Variants in RBBP6 observed in about 807,000 individuals in gnomAD.
RBBP6 encodes E3 ubiquitin-protein ligase RBBP6.
RBBP6 carries 25 observed loss-of-function variants against 167.7 expected under a neutral mutation model. That is an observed-to-expected ratio of 0.15 (90% CI 0.11 to 0.21). RBBP6 has a LOEUF of 0.21. Ranked by LOEUF, RBBP6 falls within the 10% of genes least tolerant of loss-of-function variation. The pLI is 1.00. For missense variants in RBBP6, 1,868 were observed against 2,134.2 expected (o/e 0.88, Z 2.46); for synonymous variants, 789 against 735.8 (o/e 1.07, Z -1.17).
rs779306153 is a variant in RBBP6 at position 24,569,482 on chromosome 16, A to G, written c.2792A>G (p.Asn931Ser). The G allele has an allele frequency of 1.9e-6, 3 of 1,610,654 alleles. No individual in the cohort carries two copies. Among genetic ancestry groups the G allele is most frequent in the Non-Finnish European group, 2.5e-6 (3 of 1,179,230 alleles). Reference sequence around the variant, plus strand: ...AACGCTCCAGGAGATGGTAAAGGAAATAAGCATAAGAAACACAGAAAAAGA... The same window carrying G: ...AACGCTCCAGGAGATGGTAAAGGAAGTAAGCATAAGAAACACAGAAAAAGA... ...SENAPGDGKG[N>S]KHKKHRKRRK... The change falls in exon 17 of 18, where the codon AAT (asparagine) becomes AGT (serine). Residue 931 changes from asparagine to serine, a missense_variant. By Grantham distance (46) the Asn-to-Ser change is conservative (BLOSUM62 1). Coordinates refer to ENST00000319715, the MANE Select transcript of RBBP6 (RefSeq NM_006910.5).
intron 1 of RBBP6, among the ~76,000 whole-genome samples, chr16:24,542,203 T>G (rs955125245): frequency 5.9e-5 from 9 of 152,144 alleles, no homozygotes; most frequent in Non-Finnish European, 1.2e-4. Context: ...ATAGCTTTAT[T>G]TAAGTGCCTC....
At chr16:24,546,431 C>T (rs1253192527) in intron 2 of RBBP6, among the ~76,000 whole-genome samples, 169 bp downstream of exon 2, 2 of 152,060 alleles carry the variant, frequency 1.3e-5, no homozygotes, top group Non-Finnish European at 2.9e-5. Flanking sequence ...TTTTGATTTC[C>T]TCCCCCAGTT....
At chr16:24,564,248 C>T (rs1449994364) in intron 13 of RBBP6, among the ~76,000 whole-genome samples, 3 of 151,780 alleles carry the variant, frequency 2.0e-5, no homozygotes, top group Non-Finnish European at 2.9e-5. Flanking sequence ...TTATATAATC[C>T]GATTGAAAAT....
rs1898455168 is a variant in RBBP6, at chr16:24,540,410, C to T, written c.-217C>T. ...CCCTCTTCCCCGTCCTCGTCCTCCTCCTCCCCCATGAAGTGATTCTGAGTA... is the reference window on the plus strand; with the variant it reads ...CCCTCTTCCCCGTCCTCGTCCTCCTTCTCCCCCATGAAGTGATTCTGAGTA... On this transcript the variant is annotated 5_prime_UTR_variant, in exon 1 of 18. Transcript: ENST00000319715. The T allele has an allele frequency of 2.3e-6, 1 of 437,980 alleles. No homozygotes were observed. The allele number at this position is 437,980 out of a possible 1,614,324, so 27.1% of individuals were successfully genotyped here. A position where few individuals can be genotyped will look rare whatever the true frequency, so the allele number is the denominator to read the frequency against.
chr16:24,568,202 C>G (rs993338224), intron 16 of RBBP6, among the ~76,000 whole-genome samples: 4 of 152,122 alleles, frequency 2.6e-5, no homozygotes, highest in Non-Finnish European at 5.9e-5. Flanking sequence ...AAAACAGTTC[C>G]CAGGACCCTT....
At chr16:24,552,100 T>C (rs1163255837) in intron 3 of RBBP6, among the ~76,000 whole-genome samples, 1 of 151,876 alleles carries the variant, frequency 6.6e-6, no homozygotes, top group Admixed American at 6.6e-5. Flanking sequence ...TGAACTCTTT[T>C]ATAGTCAGTT....
chr16:24,562,392 AGCC>A, intron 10 of RBBP6, among the ~76,000 whole-genome samples: 1 of 152,230 alleles, frequency 6.6e-6, no homozygotes, highest in African/African-American at 2.4e-5. Context: ...GTTGCCAACC[AGCC>A]CCTATTAAAC....
chr16:24,569,193 A>G lies in RBBP6; in HGVS notation c.2503A>G (p.Arg835Gly). The G allele has an allele frequency of 6.2e-7, 1 of 1,613,848 alleles. No homozygotes were observed. The highest frequency in any genetic ancestry group is 1.1e-5 in the South Asian group (1 of 91,074). The change falls in exon 17 of 18, where the codon AGA (arginine) becomes GGA (glycine). Residue 835 changes from arginine to glycine, a missense_variant. By Grantham distance (125) the Arg-to-Gly change is moderately radical. Around this residue, in one of 7 missense-constraint regions of RBBP6, gnomAD observed 673 missense variants for 691.5 expected, o/e 0.97. Transcript: ENST00000319715. ...CTACCGAGAATGGGAGAGAAAATATAGAGAGTGGTATGAAAAATATTATAA... is the reference window on the plus strand; with the variant it reads ...CTACCGAGAATGGGAGAGAAAATATGGAGAGTGGTATGAAAAATATTATAA... ...ERYREWERKY[R>G]EWYEKYYKGY...
At chr16:24,568,667 A>C (rs1899250287) in intron 16 of RBBP6, 78 bp from the exon 17 acceptor site, 1 of 1,489,848 alleles carries the variant, frequency 6.7e-7, no homozygotes, top group South Asian at 1.4e-5. Context: ...GTGAGGAAAG[A>C]ATGCTAGAAT....
At chr16:24,563,539 T>TA (rs1899121414) in intron 12 of RBBP6, 38 bp downstream of exon 12, 1 of 1,611,658 alleles carries the variant, frequency 6.2e-7, no homozygotes, top group African/African-American at 1.3e-5. Context: ...TTTTTCCCTT[T>TA]AAAAAATAAT....
intron 2 of RBBP6, 45 bp from the exon 3 acceptor site, chr16:24,548,900 T>C: frequency 6.7e-7 from 1 of 1,495,832 alleles, no homozygotes; most frequent in Non-Finnish European, 9.2e-7. Flanking sequence ...GCACAAAAAT[T>C]CATAAATAGC....
intron 1 of RBBP6, among the ~76,000 whole-genome samples, chr16:24,542,626 T>A (rs1174227855): frequency 6.6e-6 from 1 of 151,342 alleles, no homozygotes. Context: ...ACCCAGCTAA[T>A]TTTTTTTTGT....
In RBBP6 at chr16:24,571,889, A is replaced by G; in HGVS notation, c.4823A>G (p.Asp1608Gly). 6.2e-7 allele frequency: 1 copy of G among 1,614,176 alleles called. No homozygotes were observed. Among genetic ancestry groups the G allele is most frequent in the Non-Finnish European group, 8.5e-7 (1 of 1,180,018 alleles). ...AAAGAGCAAATTACTGGGCAAATTG[A>G]CAAGAGTACTGTCAAGCCTAAACCC... is the stretch of plus-strand genomic sequence containing the variant. Reference protein sequence around the residue: ...VEKEQITGQIDKSTVKPKPQL... With the variant: ...VEKEQITGQIGKSTVKPKPQL... The change falls in exon 18 of 18, where the codon GAC (aspartate) becomes GGC (glycine). Residue 1608 changes from aspartate (D) to glycine (G), a missense_variant. Physicochemically the swap from Asp to Gly is moderately conservative, Grantham distance 94 (BLOSUM62 -1). Transcript: ENST00000319715.
chr16:24,570,419 A>G lies in RBBP6; in HGVS notation c.3729A>G (p.Lys1243=). ...TGGAGTCAACATCTAGCAAAGTTAA[A>G]CAAGAAAAAGTCAAAGGAAAGGTCA... ...EKLESTSSKV[K]QEKVKGKVRR... The change falls in exon 17 of 18, where the codon AAA becomes AAG. Residue 1243 remains lysine, a synonymous_variant. Transcript: ENST00000319715. The G allele has an allele frequency of 6.2e-7, 1 of 1,610,284 alleles. No individual in the cohort carries two copies. Among genetic ancestry groups the G allele is most frequent in the Non-Finnish European group, 8.5e-7 (1 of 1,179,230 alleles).
At chr16:24,561,757 T>C in intron 9 of RBBP6, 42 bp downstream of exon 9, 3 of 1,607,544 alleles carry the variant, frequency 1.9e-6, no homozygotes, top group Non-Finnish European at 2.6e-6. Flanking sequence ...TCTTTTTAAC[T>C]GATTTAACTG....
Position 24,547,771 on chromosome 16 carries a change from T to C in RBBP6, c.267-1174T>C, listed in dbSNP as rs1042390423. Among the ~76,000 whole-genome samples, 14 of 152,330 alleles carry C rather than the reference T, an allele frequency of 9.2e-5. No homozygotes were observed. The South Asian group carries it at 2.9e-3, about 32-fold the overall frequency. On this transcript the variant is annotated intron_variant, in intron 2 of 17. Coordinates refer to ENST00000319715, the MANE Select transcript of RBBP6 (RefSeq NM_006910.5). ...GCACCCAGCCTAAGAATTATAAATT[T>C]ATGGGGAGAATTAATTCCTACAATC...
chr16:24,561,536 C>A, intron 8 of RBBP6, 76 bp from the exon 9 acceptor site: 1 of 1,224,928 alleles, frequency 8.2e-7, no homozygotes, highest in Non-Finnish European at 1.2e-6. Context: ...CAAATGTGGA[C>A]CATCCTTTTA....
chr16:24,567,043 G>C (rs1476462419), intron 14 of RBBP6, 100 bp from the exon 15 acceptor site: 1 of 1,292,892 alleles, frequency 7.7e-7, no homozygotes, highest in Non-Finnish European at 1.1e-6. Flanking sequence ...CTATTCCACT[G>C]TTTTTAAGTT....
At chr16:24,544,340 T>C (rs1270811996) in intron 1 of RBBP6, among the ~76,000 whole-genome samples, 1 of 152,210 alleles carries the variant, frequency 6.6e-6, no homozygotes, top group Non-Finnish European at 1.5e-5. Flanking sequence ...TAGTCCTACA[T>C]TGGCATGCCT....
Sources: gnomAD v4.1 joint callset for allele counts (sites outside exome capture counted in the v4.1 genomes callset) on GRCh38, gnomAD v4.1.1 for gene constraint, gnomAD v4.1.1 regional missense constraint, MANE v1.5 for transcripts, NCBI Gene and HGNC (gene_info 2026-07-23, HGNC 2026-07-21) for gene names.